SLC1A2: variants seen among roughly 807,000 people sequenced by gnomAD.
SLC1A2 encodes solute carrier family 1 member 2, also known as excitatory amino acid transporter 2.
In SLC1A2, 15 loss-of-function variants were observed where a neutral mutation model predicts 48.8. The observed-to-expected ratio is 0.31, with a 90% CI of 0.21 to 0.47. SLC1A2 has a LOEUF of 0.47. SLC1A2 is among the 20% of genes least tolerant of loss of function. The pLI is 0.99. For missense variants in SLC1A2, 502 were observed against 730.5 expected, an observed-to-expected ratio of 0.69 and a Z score of 3.61; for synonymous variants, 279 against 272.6, an observed-to-expected ratio of 1.02 and a Z score of -0.23.
chr11:35,396,000 G>A (rs1277507523), intron 1 of SLC1A2, among the ~76,000 whole-genome samples: 15 of 148,246 alleles, frequency 1.0e-4, no homozygotes, highest in East Asian at 2.0e-4. Flanking sequence ...TACAAAGGAC[G>A]TGAACTCATC....
intron 1 of SLC1A2, among the ~76,000 whole-genome samples, chr11:35,339,741 G>A (rs1398939374): frequency 6.6e-6 from 1 of 152,098 alleles, no homozygotes; most frequent in Non-Finnish European, 1.5e-5. Context: ...ATATATACAT[G>A]TATAATTGTA....
chr11:35,407,981 C>T (rs1855351193), intron 1 of SLC1A2, among the ~76,000 whole-genome samples: 1 of 152,238 alleles, frequency 6.6e-6, no homozygotes, highest in South Asian at 2.1e-4. Flanking sequence ...GTGAACATCT[C>T]TACTGATATT....
intron 7 of SLC1A2, among the ~76,000 whole-genome samples, chr11:35,287,434 G>T (rs1458633588): frequency 1.3e-5 from 2 of 152,164 alleles, no homozygotes; most frequent in Admixed American, 6.6e-5. Context: ...TTAGCCCTGG[G>T]AAATTGTCCT....
At chr11:35,312,862 T>C (rs1170937852) in intron 3 of SLC1A2, among the ~76,000 whole-genome samples, 1 of 152,248 alleles carries the variant, frequency 6.6e-6, no homozygotes, top group Non-Finnish European at 1.5e-5. Context: ...CTCACAGATA[T>C]GCAGGGCCGA....
Position 35,325,499 on chromosome 11 carries a change from T to C in SLC1A2, c.18-7983A>G, listed in dbSNP as rs528823762. Among the ~76,000 whole-genome samples, 4 of 152,332 alleles carry C rather than the reference T, an allele frequency of 2.6e-5. No homozygotes were observed. The East Asian group carries it at 7.7e-4, about 29-fold the overall frequency. The stretch of plus-strand genomic sequence containing the variant: ...AGATGCTCAATTAGTTTATGTTGCC[T>C]GAAGGAATGAATGAATGGATGATTA... On this transcript the variant is annotated intron_variant, in intron 1 of 10. Coordinates refer to ENST00000278379, the MANE Select transcript of SLC1A2 (RefSeq NM_004171.4).
intron 9 of SLC1A2, among the ~76,000 whole-genome samples, chr11:35,271,529 C>T (rs1356558964): frequency 3.3e-5 from 5 of 152,112 alleles, no homozygotes; most frequent in Non-Finnish European, 7.4e-5. Flanking sequence ...AAGTATGCTT[C>T]AAAATAAGGG....
At chr11:35,385,711 G>A (rs1854566418) in intron 1 of SLC1A2, among the ~76,000 whole-genome samples, 2 of 152,234 alleles carry the variant, frequency 1.3e-5, no homozygotes, top group South Asian at 4.1e-4. Flanking sequence ...ATTCTCCTTA[G>A]CATCTTCTAA....
Position 35,265,854 on chromosome 11 carries a change from A to C in SLC1A2, c.1422-96T>G, listed in dbSNP as rs182245194. 8.3e-6 allele frequency: 6 copies of C among 719,290 alleles called. No individual in the cohort carries two copies. In the East Asian group the frequency reaches 1.5e-4, roughly 18 times the overall value. The allele number at this position is 719,290 out of a possible 1,614,324, so 44.6% of individuals were successfully genotyped here. Reference sequence around the variant, plus strand: ...GAGTCAGAGAGACATAGGGTTGAGTACTGGCTCTACCTTTTCCCTCTGCCT... The same window carrying C: ...GAGTCAGAGAGACATAGGGTTGAGTCCTGGCTCTACCTTTTCCCTCTGCCT... On this transcript the variant is annotated intron_variant, in intron 9 of 10. Transcript: ENST00000278379.
intron 1 of SLC1A2, 25 bp downstream of exon 1, chr11:35,418,925 C>A: frequency 6.4e-7 from 1 of 1,556,034 alleles, no homozygotes; most frequent in Non-Finnish European, 8.7e-7. Flanking sequence ...CGCTTTCCCG[C>A]GGGTACAGAT....
chr11:35,325,960 A>G lies in SLC1A2; in HGVS notation c.18-8444T>C, dbSNP rs1852233914. On this transcript the variant is annotated intron_variant, in intron 1 of 10. Coordinates refer to ENST00000278379, the MANE Select transcript of SLC1A2 (RefSeq NM_004171.4). ...GCCTGGGCAACAAGGGTGAAATTCTATCTCAAAAAAAAAAAAAAAAAAAAA... is the reference window on the plus strand; with the variant it reads ...GCCTGGGCAACAAGGGTGAAATTCTGTCTCAAAAAAAAAAAAAAAAAAAAA... Among the ~76,000 whole-genome samples, 2 of 88,696 alleles carry G rather than the reference A, an allele frequency of 2.3e-5. 1 individual carries two copies. The allele number at this position is 88,696 out of a possible 152,430, so 58.2% of individuals were successfully genotyped here.
At chr11:35,322,651 A>G in intron 1 of SLC1A2, 1 of 1,534,738 alleles carries the variant, frequency 6.5e-7, no homozygotes. Context: ...ATGTCCAGAG[A>G]TTGCCCTACT....
intron 8 of SLC1A2, chr11:35,285,941 G>T (rs914785570): frequency 2.6e-5 from 4 of 152,168 alleles, no homozygotes; most frequent in Non-Finnish European, 5.9e-5. Context: ...TAGATGGGTT[G>T]GGAGTGATAA....
intron 1 of SLC1A2, among the ~76,000 whole-genome samples, chr11:35,372,377 C>A (rs1854090241): frequency 6.6e-6 from 1 of 152,226 alleles, no homozygotes; most frequent in Non-Finnish European, 1.5e-5. Context: ...GCTTTGGTGG[C>A]TCTGGGGACT....
chr11:35,297,051 G>T (rs1203248375), intron 6 of SLC1A2, among the ~76,000 whole-genome samples: 1 of 152,084 alleles, frequency 6.6e-6, no homozygotes, highest in East Asian at 1.9e-4. Context: ...AAAATGGATG[G>T]ATTGACAAAG....
intron 1 of SLC1A2, among the ~76,000 whole-genome samples, chr11:35,319,611 C>T (rs1474248356): frequency 2.6e-5 from 4 of 152,312 alleles, no homozygotes; most frequent in African/African-American, 7.2e-5. Context: ...GTAATGGAAG[C>T]GTCAGGCATC....
chr11:35,333,653 T>A (rs1160603430), intron 1 of SLC1A2, among the ~76,000 whole-genome samples: 1 of 151,126 alleles, frequency 6.6e-6, no homozygotes. Flanking sequence ...ATCATGTAAG[T>A]TTTTCTTTCT....
In SLC1A2 at chr11:35,418,955, C is replaced by T. The variant is rs1319006901; in HGVS notation, c.12G>A (p.Thr4=). The T allele has an allele frequency of 4.5e-6, 7 of 1,566,756 alleles. No individual in the cohort carries two copies. Among genetic ancestry groups the T allele is most frequent in the Admixed American group, 3.7e-5 (2 of 54,072 alleles). The change falls in exon 1 of 11, where the codon ACG becomes ACA. Residue 4 remains threonine (T), a synonymous_variant. Coordinates refer to ENST00000278379, the MANE Select transcript of SLC1A2 (RefSeq NM_004171.4). ...ACAGATAAAAATCCCCTCACCCTTC[C>T]GTAGATGCCATGGTCTGGGGAACGC... MAS[T]EGANNMPKQV...
intron 1 of SLC1A2, among the ~76,000 whole-genome samples, chr11:35,415,090 C>G (rs1376304046): frequency 6.6e-6 from 1 of 152,188 alleles, no homozygotes; most frequent in Non-Finnish European, 1.5e-5. Context: ...CACACTGACC[C>G]AGAAATCTCA....
intron 1 of SLC1A2, among the ~76,000 whole-genome samples, chr11:35,384,796 T>C (rs1036928398): frequency 1.5e-4 from 23 of 152,168 alleles, no homozygotes; most frequent in Admixed American, 2.6e-4. Flanking sequence ...ATTTGGGAAA[T>C]TTAGAAGGAT....
Sources: gnomAD v4.1 joint callset for allele counts (sites outside exome capture counted in the v4.1 genomes callset) on GRCh38, gnomAD v4.1.1 for gene constraint, MANE v1.5 for transcripts, NCBI Gene and HGNC (gene_info 2026-07-23, HGNC 2026-07-21) for gene names.